Variants in SNED1 observed in about 807,000 individuals in gnomAD.
SNED1 encodes the protein sushi, nidogen and EGF-like domain-containing protein 1.
Under a neutral mutation model 166.7 loss-of-function variants are expected in SNED1, and 81 were observed. The ratio of observed to expected loss-of-function variants is 0.49; its 90% CI spans 0.41 to 0.58. The LOEUF is 0.58. SNED1 is among the 20% of genes least tolerant of loss of function. The pLI is 0.00. For missense variants in SNED1, 1,604 were observed against 2,000.2 expected (o/e 0.80, Z 3.78); for synonymous variants, 762 against 822.0 (o/e 0.93, Z 1.25).
chr2:241,010,304 G>C (rs777846299), intron 1 of SNED1: 1 of 152,380 alleles, frequency 6.6e-6, no homozygotes, highest in African/African-American at 2.4e-5. Flanking sequence ...CTTTCAGCCC[G>C]AGGTCACCTC....
chr2:241,084,263 A>T (rs1466445787), intron 29 of SNED1, among the ~76,000 whole-genome samples: 1 of 150,814 alleles, frequency 6.6e-6, no homozygotes, highest in Non-Finnish European at 1.5e-5. Flanking sequence ...CAGCCCCCCG[A>T]GTAGCTGGGA....
chr2:241,089,938 AC>A, intron 31 of SNED1: 1 of 1,537,948 alleles, frequency 6.5e-7, no homozygotes, highest in Non-Finnish European at 8.8e-7. Context: ...AACGTAGAAA[AC>A]CTACAGTAAA....
Position 241,057,561 on chromosome 2 carries a change from G to A in SNED1, c.2257+4235G>A, listed in dbSNP as rs377387970. On this transcript the variant is annotated intron_variant, in intron 16 of 31. Transcript: ENST00000310397. The stretch of plus-strand genomic sequence containing the variant: ...TAGCCAGGCATGGTGGCATGCTCCT[G>A]TAGTCCCAACTACTCAAGAGGCTGA... Among the ~76,000 whole-genome samples the A allele has an allele frequency of 9.9e-4, 151 of 151,846 alleles. 1 individual carries two copies. The highest frequency in any genetic ancestry group is 3.3e-3 in the African/African-American group (138 of 41,358).
Position 241,081,171 on chromosome 2 carries a change from C to A in SNED1, c.3917-506C>A, listed in dbSNP as rs530435642. On this transcript the variant is annotated intron_variant, in intron 27 of 31. Coordinates refer to ENST00000310397, the MANE Select transcript of SNED1 (RefSeq NM_001080437.3). The stretch of plus-strand genomic sequence containing the variant: ...AGCAGCCCTGCAAAGACCATCTGAA[C>A]CTAAATCCTATCAAGCACCTCTCTC... Among the ~76,000 whole-genome samples the A allele has an allele frequency of 1.2e-3, 186 of 152,326 alleles. 1 individual carries two copies. The highest frequency in any genetic ancestry group is 4.2e-3 in the African/African-American group (176 of 41,580).
chr2:241,071,915 C>A (rs6746124), intron 26 of SNED1, 37 bp downstream of exon 26: 722,470 of 1,513,470 alleles, frequency 0.48, 173,149 homozygotes, highest in African/African-American at 0.63. Flanking sequence ...CTTGGTGGCC[C>A]ACCCTCGTCC....
At position 241,051,078 on chromosome 2, in the gene SNED1, G is replaced by A. The variant is rs1311080986; in HGVS notation, c.1736-666G>A. Among the ~76,000 whole-genome samples the A allele has an allele frequency of 6.6e-6, 1 of 152,238 alleles. No individual in the cohort carries two copies. The highest frequency in any genetic ancestry group is 1.9e-4 in the East Asian group (1 of 5,200). The stretch of plus-strand genomic sequence containing the variant: ...GACCTGCAGCGTGGGATGGCTGGCA[G>A]GAGAGGAGCGAGCACAGTGGGGCAG... On this transcript the variant is annotated intron_variant, in intron 12 of 31. Transcript: ENST00000310397. The surrounding 1 kb of genome is among the most constrained non-coding windows in gnomAD (Gnocchi z 4.7).
intron 1 of SNED1, among the ~76,000 whole-genome samples, chr2:241,000,934 G>A (rs1574824294): frequency 6.6e-6 from 1 of 152,322 alleles, no homozygotes; most frequent in Admixed American, 6.5e-5. Context: ...GGTCAAGCAG[G>A]GAGAGAGAAA....
intron 1 of SNED1, among the ~76,000 whole-genome samples, chr2:241,012,828 T>G (rs200711212): frequency 4.6e-4 from 34 of 73,210 alleles, no homozygotes; most frequent in East Asian, 2.4e-3. Flanking sequence ...TTTTTTTCTT[T>G]TTTTTTTTTT....
intron 27 of SNED1, among the ~76,000 whole-genome samples, chr2:241,080,121 C>G (rs1320300587): frequency 6.6e-6 from 1 of 152,000 alleles, no homozygotes; most frequent in East Asian, 1.9e-4. Flanking sequence ...CCCGTCTCTA[C>G]TAAAATACAA....
chr2:241,051,869 C>G lies in SNED1; in HGVS notation c.1852+9C>G. ...GAGGCACTGTGAGATCGGTGCGGCC[C>G]CCAGGGGCAGGGGGGAGGGCAGGAA... On this transcript the variant is annotated intron_variant, in intron 13 of 31. Coordinates refer to ENST00000310397, the MANE Select transcript of SNED1 (RefSeq NM_001080437.3). This position sits in a 1 kb window ranked among gnomAD's most constrained non-coding sequence, Gnocchi z 4.7. 2 of 1,533,596 alleles carry G rather than the reference C, an allele frequency of 1.3e-6. No homozygotes were observed. The highest frequency in any genetic ancestry group is 2.5e-5 in the South Asian group (2 of 80,948). The allele number at this position is 1,533,596 out of a possible 1,614,324, so 95.0% of individuals were successfully genotyped here. A position where few individuals can be genotyped will look rare whatever the true frequency, so the allele number is the denominator to read the frequency against.
chr2:241,055,654 C>T (rs1368398145), intron 16 of SNED1, among the ~76,000 whole-genome samples: 1 of 152,158 alleles, frequency 6.6e-6, no homozygotes, highest in Non-Finnish European at 1.5e-5. Context: ...TGTCATGCTG[C>T]AGGGGCAAGC....
At chr2:241,063,471 T>C in intron 17 of SNED1, 116 bp from the exon 18 acceptor site, 1 of 742,722 alleles carries the variant, frequency 1.3e-6, no homozygotes, top group South Asian at 1.5e-5. Flanking sequence ...TCCTGAGTAG[T>C]TGCTCCCAGC....
chr2:241,010,851 G>C (rs1407382827), intron 1 of SNED1: 2 of 152,866 alleles, frequency 1.3e-5, no homozygotes, highest in Non-Finnish European at 2.9e-5. Flanking sequence ...GCTGGGAGGA[G>C]AGCGATGCCA....
intron 1 of SNED1, among the ~76,000 whole-genome samples, chr2:241,000,255 C>T (rs2060038252): frequency 1.3e-5 from 2 of 152,202 alleles, no homozygotes; most frequent in Admixed American, 1.3e-4. Context: ...GCCTCCCACC[C>T]CACAACTGCC....
chr2:241,053,433 C>G (rs965160925), intron 16 of SNED1, 107 bp downstream of exon 16: 24 of 1,162,072 alleles, frequency 2.1e-5, no homozygotes, highest in Non-Finnish European at 2.8e-5. Flanking sequence ...ATGCCCAGCT[C>G]TGACCTGGTC....
chr2:241,065,005 T>C, intron 20 of SNED1, 48 bp downstream of exon 20: 2 of 1,413,134 alleles, frequency 1.4e-6, no homozygotes, highest in Admixed American at 4.7e-5. Context: ...GGGGGTCCCC[T>C]CTCCCTAGAG....
At chr2:241,000,312 G>T (rs1213040703) in intron 1 of SNED1, among the ~76,000 whole-genome samples, 1 of 152,176 alleles carries the variant, frequency 6.6e-6, no homozygotes, top group Non-Finnish European at 1.5e-5. Flanking sequence ...TGCTCAGGAA[G>T]GCCTCCCCAC....
intron 1 of SNED1, among the ~76,000 whole-genome samples, chr2:241,005,640 A>G (rs1278887546): frequency 2.6e-5 from 4 of 152,124 alleles, no homozygotes; most frequent in Admixed American, 6.5e-5. Flanking sequence ...TTTTTGAAAG[A>G]TAGCTCTGCT....
rs1286812912 is a variant in SNED1 at position 241,070,203 on chromosome 2, T to C, written c.3589+2T>C. ...CCGCCCACCTCTACATCATCACCTG[T>C]GAGTGCCGTGGGCCCTGCGCGTGGG... On this transcript the variant is annotated splice_donor_variant, in intron 24 of 31. Transcript: ENST00000310397. LOFTEE classifies it high-confidence loss of function. 2.5e-6 allele frequency: 4 copies of C among 1,601,840 alleles called. No homozygotes were observed. Among genetic ancestry groups the C allele is most frequent in the Admixed American group, 1.7e-5 (1 of 59,568 alleles).
Sources: gnomAD v4.1 joint callset for allele counts (sites outside exome capture counted in the v4.1 genomes callset) on GRCh38, gnomAD v4.1.1 for gene constraint, Gnocchi (gnomAD v3.1) non-coding constraint, MANE v1.5 for transcripts, NCBI Gene and HGNC (gene_info 2026-07-23, HGNC 2026-07-21) for gene names.